Variants in SIK3 observed in about 807,000 individuals in gnomAD.
SIK3 encodes serine/threonine-protein kinase SIK3.
A neutral mutation model predicts 144.2 loss-of-function variants in SIK3; 28 were observed. That is an observed-to-expected ratio of 0.19 (90% CI 0.14 to 0.27). SIK3 has a LOEUF of 0.27. Among genes scored for constraint, SIK3 ranks in the 10% least tolerant of loss-of-function variants. The pLI is 1.00. For synonymous variants in SIK3, 686 were observed against 676.3 expected (o/e 1.01, Z -0.22); for missense variants, 1,319 against 1,776.0 (o/e 0.74, Z 4.62).
chr11:116,857,619 C>A, intron 21 of SIK3, 191 bp downstream of exon 21: 1 of 855,884 alleles, frequency 1.2e-6, no homozygotes, highest in South Asian at 2.0e-5. Context: ...TATCATGGTC[C>A]TTTGATTTTG....
chr11:117,034,072 CAGTA>C (rs1376166274), intron 1 of SIK3, among the ~76,000 whole-genome samples: 1 of 151,802 alleles, frequency 6.6e-6, no homozygotes, highest in African/African-American at 2.4e-5. Context: ...GAGAAAAAAA[CAGTA>C]AGCACAAAAA....
chr11:116,975,997 C>T (rs1478874310), intron 1 of SIK3, among the ~76,000 whole-genome samples: 1 of 152,156 alleles, frequency 6.6e-6, no homozygotes, highest in Non-Finnish European at 1.5e-5. Flanking sequence ...TGTTTGTGGA[C>T]TAACTGCATA....
At chr11:116,972,086 C>CAAAAA (rs35775477) in intron 1 of SIK3, among the ~76,000 whole-genome samples, 71 of 111,974 alleles carry the variant, frequency 6.3e-4, no homozygotes, top group Middle Eastern at 5.2e-3. Context: ...GACTCGGTCT[C>CAAAAA]AAAAAAAAAA....
intron 1 of SIK3, among the ~76,000 whole-genome samples, chr11:117,057,193 T>C (rs1359789657): frequency 6.6e-6 from 1 of 152,228 alleles, no homozygotes; most frequent in Non-Finnish European, 1.5e-5. Flanking sequence ...TGTGTACATG[T>C]ACAGAAGAAG....
chr11:117,004,208 C>G (rs538673499), intron 1 of SIK3, among the ~76,000 whole-genome samples: 51 of 152,132 alleles, frequency 3.4e-4, no homozygotes, highest in Non-Finnish European at 6.2e-4. Flanking sequence ...ACCTTTAGGA[C>G]CATAGGTTGA....
intron 1 of SIK3, among the ~76,000 whole-genome samples, chr11:117,060,122 G>A (rs973098355): frequency 4.6e-5 from 7 of 152,040 alleles, no homozygotes; most frequent in Admixed American, 3.3e-4. Flanking sequence ...TAGGTGAATG[G>A]GTAAATAAAC....
At chr11:117,023,606 A>C in intron 1 of SIK3, among the ~76,000 whole-genome samples, 1 of 28,408 alleles carries the variant, frequency 3.5e-5, no homozygotes, top group South Asian at 6.0e-4. Flanking sequence ...ACAAACAAAC[A>C]AACAAAAAAA....
At chr11:117,039,305 T>C (rs903323172) in intron 1 of SIK3, among the ~76,000 whole-genome samples, 1 of 152,240 alleles carries the variant, frequency 6.6e-6, no homozygotes, top group African/African-American at 2.4e-5. Flanking sequence ...TGTTTGTTTG[T>C]AGAGGTGAGG....
chr11:117,093,490 T>C (rs1955335689), intron 1 of SIK3, among the ~76,000 whole-genome samples: 1 of 152,196 alleles, frequency 6.6e-6, no homozygotes, highest in African/African-American at 2.4e-5. Context: ...GCAGAAACAT[T>C]TCTTAAATAT....
At chr11:117,086,348 T>C (rs1591679389) in intron 1 of SIK3, among the ~76,000 whole-genome samples, 1 of 152,334 alleles carries the variant, frequency 6.6e-6, no homozygotes. Context: ...TTACAACTTT[T>C]ATTAATCTCT....
chr11:116,943,223 G>A (rs182577605), intron 3 of SIK3, among the ~76,000 whole-genome samples: 1 of 152,020 alleles, frequency 6.6e-6, no homozygotes, highest in East Asian at 1.9e-4. Flanking sequence ...GGAGAGGTAT[G>A]TTCAAAGTGA....
chr11:116,967,817 A>C (rs529072266), intron 1 of SIK3, among the ~76,000 whole-genome samples: 1 of 152,316 alleles, frequency 6.6e-6, no homozygotes, highest in South Asian at 2.1e-4. Flanking sequence ...TGGAGTAAGA[A>C]GCCAGCCTCC....
chr11:117,061,144 G>A (rs556599820), intron 1 of SIK3, among the ~76,000 whole-genome samples: 23 of 152,296 alleles, frequency 1.5e-4, no homozygotes, highest in Middle Eastern at 3.4e-3. Context: ...CTACTCAGGA[G>A]GCTGAGGCAG....
intron 1 of SIK3, among the ~76,000 whole-genome samples, chr11:116,981,638 CA>C (rs1156969674): frequency 6.6e-6 from 1 of 152,110 alleles, no homozygotes; most frequent in Non-Finnish European, 1.5e-5. Flanking sequence ...TCAAAATAAC[CA>C]ACTCATAGTT....
chr11:117,019,569 A>G (rs995657608), intron 1 of SIK3, among the ~76,000 whole-genome samples: 5 of 151,958 alleles, frequency 3.3e-5, no homozygotes, highest in Non-Finnish European at 7.4e-5. Context: ...CTCCATAAAA[A>G]CTGAAATCTC....
intron 1 of SIK3, among the ~76,000 whole-genome samples, chr11:117,025,324 G>C (rs1449011965): frequency 1.3e-5 from 2 of 152,168 alleles, no homozygotes; most frequent in East Asian, 3.8e-4. Flanking sequence ...TGACTGAAAG[G>C]AAAGTGATAA....
chr11:117,030,050 G>A (rs1331245222), intron 1 of SIK3, among the ~76,000 whole-genome samples: 2 of 152,096 alleles, frequency 1.3e-5, no homozygotes, highest in Admixed American at 1.3e-4. Context: ...TGAGAACAGA[G>A]TTGTAGGAGG....
intron 1 of SIK3, among the ~76,000 whole-genome samples, chr11:116,959,425 G>A (rs1253287339): frequency 6.6e-6 from 1 of 152,176 alleles, no homozygotes; most frequent in African/African-American, 2.4e-5. Context: ...TGCAAAAGGT[G>A]GGAAGAACTG....
At chr11:117,062,804 A>G (rs1953853821) in intron 1 of SIK3, among the ~76,000 whole-genome samples, 1 of 152,218 alleles carries the variant, frequency 6.6e-6, no homozygotes, top group Non-Finnish European at 1.5e-5. Flanking sequence ...CACAGTAGGA[A>G]AATCTTGTAT....
Sources: gnomAD v4.1 joint callset for allele counts (sites outside exome capture counted in the v4.1 genomes callset) on GRCh38, gnomAD v4.1.1 for gene constraint, MANE v1.5 for transcripts, NCBI Gene and HGNC (gene_info 2026-07-23, HGNC 2026-07-21) for gene names.